Variants in DMXL1 observed in about 807,000 individuals in gnomAD.
The protein encoded by DMXL1 is Dmx like 1.
In DMXL1, 99 loss-of-function variants were observed where a neutral mutation model predicts 319.2. That is an observed-to-expected ratio of 0.31 (90% confidence interval 0.26 to 0.37). The LOEUF is 0.37. Ranked by LOEUF, DMXL1 falls within the 10% of genes least tolerant of loss-of-function variation. The pLI is 1.00. For synonymous variants in DMXL1, 1,385 were observed against 1,235.2 expected, an observed-to-expected ratio of 1.12 and a Z score of -2.54; for missense variants, 3,745 against 3,595.6, an observed-to-expected ratio of 1.04 and a Z score of -1.06.
intron 34 of DMXL1, 125 bp from the exon 35 acceptor site, chr5:119,216,776 C>T: frequency 1.6e-6 from 1 of 629,482 alleles, no homozygotes. Context: ...ACAATAATAC[C>T]TTTAGAATTG....
At chr5:119,169,634 A>G (rs1318157984) in intron 23 of DMXL1, among the ~76,000 whole-genome samples, 1 of 152,222 alleles carries the variant, frequency 6.6e-6, no homozygotes, top group African/African-American at 2.4e-5. Flanking sequence ...GAGTTTATAC[A>G]CATAAGTAAA....
intron 42 of DMXL1, among the ~76,000 whole-genome samples, chr5:119,242,794 G>C (rs1426178107): frequency 6.6e-6 from 1 of 152,152 alleles, no homozygotes; most frequent in East Asian, 1.9e-4. Context: ...CCCACTAATA[G>C]ACTCACATAT....
intron 4 of DMXL1, among the ~76,000 whole-genome samples, chr5:119,107,616 C>T (rs1461295820): frequency 1.3e-5 from 2 of 152,094 alleles, no homozygotes; most frequent in Non-Finnish European, 2.9e-5. Context: ...ACTTTTGTTC[C>T]ATTCCATACC....
chr5:119,236,300 A>G (rs569934681), intron 39 of DMXL1: 1 of 152,222 alleles, frequency 6.6e-6, no homozygotes, highest in Non-Finnish European at 1.5e-5. Flanking sequence ...TAATTTTGGC[A>G]TAGTCTATTA....
chr5:119,071,294 C>T lies in DMXL1; in HGVS notation c.-276C>T. On this transcript the variant is annotated 5_prime_UTR_variant, in exon 1 of 44. Transcript: ENST00000539542. The stretch of plus-strand genomic sequence containing the variant: ...CCGGGTCGTGGCCGGTGAGGGGACC[C>T]TGAGCTTCACCTGGGCTAGCGCGGG... 2.2e-6 allele frequency: 1 copy of T among 456,050 alleles called. No individual in the cohort carries two copies. The highest frequency in any genetic ancestry group is 3.9e-6 in the Non-Finnish European group (1 of 254,920). The allele number at this position is 456,050 out of a possible 1,614,324, so 28.3% of individuals were successfully genotyped here.
intron 39 of DMXL1, 30 bp from the exon 40 acceptor site, chr5:119,237,291 TA>T (rs761664446): frequency 1.5e-6 from 2 of 1,304,148 alleles, no homozygotes; most frequent in Admixed American, 1.7e-5. Context: ...ATATTTATAT[TA>T]AATACTTTTA....
intron 4 of DMXL1, among the ~76,000 whole-genome samples, chr5:119,107,626 C>A (rs1049419939): frequency 6.6e-6 from 1 of 152,002 alleles, no homozygotes; most frequent in Non-Finnish European, 1.5e-5. Context: ...CATTCCATAC[C>A]TGGGATTAAG....
chr5:119,150,069 A>C lies in DMXL1; in HGVS notation c.4242A>C (p.Ala1414=), dbSNP rs1401898359. Residue 1414 remains alanine (A), a synonymous_variant, in exon 18 of 44, where the codon GCA becomes GCC. Transcript: ENST00000539542. ...TTCCTTTATATGCCTTACTTGCAGC[A>C]GATGATGATAGCTGTTACTCATCTT... ...PPLPLYALLA[A]DDDSCYSSLE... is the part of the protein sequence containing the mutation. 1 of 1,613,810 alleles carries C rather than the reference A, an allele frequency of 6.2e-7. No homozygotes were observed. The highest frequency in any genetic ancestry group is 1.1e-5 in the South Asian group (1 of 91,086).
intron 34 of DMXL1, among the ~76,000 whole-genome samples, chr5:119,212,168 C>T (rs151253296): frequency 3.6e-4 from 55 of 152,276 alleles, no homozygotes; most frequent in African/African-American, 1.3e-3. Flanking sequence ...CTTTTTCATC[C>T]TCTCCAAACT....
At chr5:119,142,269 G>A (rs1256444398) in intron 13 of DMXL1, among the ~76,000 whole-genome samples, 1 of 151,682 alleles carries the variant, frequency 6.6e-6, no homozygotes, top group Non-Finnish European at 1.5e-5. Context: ...TACAGAATAG[G>A]AGAAAATATT....
intron 2 of DMXL1, among the ~76,000 whole-genome samples, chr5:119,100,323 C>G (rs1294124880): frequency 4.6e-5 from 7 of 151,514 alleles, no homozygotes; most frequent in Non-Finnish European, 1.0e-4. Context: ...GTAATCCCAG[C>G]TACTCAGGAG....
chr5:119,150,022 G>C lies in DMXL1; in HGVS notation c.4195G>C (p.Glu1399Gln), dbSNP rs1278984144. Residue 1399 changes from glutamate (E) to glutamine (Q), a missense_variant, in exon 18 of 44, where the codon GAA becomes CAA. Physicochemically the swap from Glu to Gln is conservative, Grantham distance 29. This residue lies in a region of DMXL1 where 2,096 missense variants were observed against 1,985.4 expected (regional missense o/e 1.06). Coordinates refer to ENST00000539542, the MANE Select transcript of DMXL1 (RefSeq NM_001290321.3). ...FNKAENTDYT[E>Q]IDSVPPLPLY... Reference sequence around the variant, plus strand: ...CAAGGCTGAAAATACAGATTACACAGAAATAGATTCTGTTCCTCCACTTCC... The same window carrying C: ...CAAGGCTGAAAATACAGATTACACACAAATAGATTCTGTTCCTCCACTTCC... 1.2e-6 allele frequency: 2 copies of C among 1,613,954 alleles called. No individual in the cohort carries two copies. The highest frequency in any genetic ancestry group is 2.2e-5 in the East Asian group (1 of 44,886).
intron 34 of DMXL1, among the ~76,000 whole-genome samples, chr5:119,209,294 G>A (rs185351949): frequency 6.6e-6 from 1 of 151,996 alleles, no homozygotes; most frequent in Non-Finnish European, 1.5e-5. Flanking sequence ...ATTTTCCAAG[G>A]TGGTTGTACC....
chr5:119,234,840 A>AT, intron 39 of DMXL1, among the ~76,000 whole-genome samples: 1 of 152,228 alleles, frequency 6.6e-6, no homozygotes, highest in Non-Finnish European at 1.5e-5. Context: ...TCACATTATT[A>AT]TTTTTTTCAA....
intron 1 of DMXL1, among the ~76,000 whole-genome samples, chr5:119,077,325 G>A (rs953755018): frequency 6.6e-6 from 1 of 152,162 alleles, no homozygotes; most frequent in Non-Finnish European, 1.5e-5. Flanking sequence ...TATTTGATAA[G>A]CCAGTGCTGC....
At chr5:119,234,736 A>G (rs1436095737) in intron 39 of DMXL1, among the ~76,000 whole-genome samples, 1 of 152,124 alleles carries the variant, frequency 6.6e-6, no homozygotes, top group African/African-American at 2.4e-5. Context: ...GCTCCTAACT[A>G]ATCTCTATAC....
chr5:119,178,333 G>C (rs1434774234), intron 28 of DMXL1, 89 bp downstream of exon 28: 1 of 1,421,938 alleles, frequency 7.0e-7, no homozygotes, highest in African/African-American at 1.4e-5. Context: ...TTTAGTTATA[G>C]AAAGTTCTGG....
In DMXL1 at chr5:119,166,571, A is replaced by G. The variant is rs762268339; in HGVS notation, c.4971-45A>G. ...TTAGAAAATTGATTCTGATGTAAAG[A>G]AAATTGTATTCCAAAATTTTCACAC... On this transcript the variant is annotated intron_variant, in intron 21 of 43. Coordinates refer to ENST00000539542, the MANE Select transcript of DMXL1 (RefSeq NM_001290321.3). 1.4e-5 allele frequency: 21 copies of G among 1,550,766 alleles called. No individual in the cohort carries two copies. In the African/African-American group the frequency reaches 2.1e-4, roughly 15 times the overall value.
At chr5:119,223,205 C>T (rs1242973058) in intron 37 of DMXL1, among the ~76,000 whole-genome samples, 3 of 151,814 alleles carry the variant, frequency 2.0e-5, no homozygotes, top group Non-Finnish European at 4.4e-5. Flanking sequence ...TACAGGCATG[C>T]ACTACCATGC....
Sources: allele counts gnomAD v4.1 joint callset (sites outside exome capture counted in the v4.1 genomes callset), GRCh38; gene constraint gnomAD v4.1.1; regional missense constraint gnomAD v4.1.1; transcripts MANE v1.5; gene names NCBI Gene and HGNC (gene_info 2026-07-23, HGNC 2026-07-21).